Variants in STXBP6 observed in about 807,000 individuals in gnomAD.
STXBP6 encodes the protein syntaxin binding protein 6, also known as syntaxin-binding protein 6.
A neutral mutation model predicts 26.9 loss-of-function variants in STXBP6; 21 were observed. The observed-to-expected ratio is 0.78, with a 90% CI of 0.55 to 1.12. STXBP6 has a LOEUF of 1.12. Ranked by LOEUF, STXBP6 falls within the 50% of genes most tolerant of loss-of-function variation. STXBP6 has a pLI of 0.00. For synonymous variants in STXBP6, 97 were observed against 92.6 expected (o/e 1.05, Z -0.27); for missense variants, 232 against 257.9 (o/e 0.90, Z 0.69).
chr14:24,950,014 T>C (rs1232978970), intron 2 of STXBP6, among the ~76,000 whole-genome samples: 1 of 152,226 alleles, frequency 6.6e-6, no homozygotes, highest in Non-Finnish European at 1.5e-5. Flanking sequence ...CCCATTCTGG[T>C]TCTGGAGGCT....
intron 2 of STXBP6, among the ~76,000 whole-genome samples, chr14:24,962,908 T>C (rs956988430): frequency 2.0e-5 from 3 of 148,550 alleles, no homozygotes; most frequent in Middle Eastern, 3.4e-3. Context: ...AATCCAGCAA[T>C]AGATGAATGA....
intron 5 of STXBP6, among the ~76,000 whole-genome samples, chr14:24,813,840 C>T (rs1376423379): frequency 2.0e-5 from 3 of 152,198 alleles, no homozygotes; most frequent in Non-Finnish European, 4.4e-5. Context: ...TTCTTGACAT[C>T]TTCAACAAAT....
intron 2 of STXBP6, among the ~76,000 whole-genome samples, chr14:24,885,345 G>A (rs2070539029): frequency 6.6e-6 from 1 of 152,166 alleles, no homozygotes; most frequent in African/African-American, 2.4e-5. Flanking sequence ...CAAAATAAGT[G>A]TTCTAAGAAG....
intron 1 of STXBP6, among the ~76,000 whole-genome samples, chr14:25,021,676 T>A (rs1566567973): frequency 6.6e-6 from 1 of 152,180 alleles, no homozygotes; most frequent in East Asian, 1.9e-4. Flanking sequence ...CCATGACCGA[T>A]GCTTTCCTTT....
chr14:24,904,737 C>A (rs990826897), intron 2 of STXBP6, among the ~76,000 whole-genome samples: 3 of 152,140 alleles, frequency 2.0e-5, no homozygotes, highest in Non-Finnish European at 1.5e-5. Flanking sequence ...GAAGAAAGTC[C>A]TCTAGAAATC....
chr14:24,990,477 G>A (rs1264568812), intron 1 of STXBP6, among the ~76,000 whole-genome samples: 2 of 152,010 alleles, frequency 1.3e-5, no homozygotes, highest in African/African-American at 4.8e-5. Flanking sequence ...TGACTAACAT[G>A]GCAAAACCCC....
chr14:24,986,239 G>C (rs891987968), intron 1 of STXBP6, among the ~76,000 whole-genome samples: 1 of 152,048 alleles, frequency 6.6e-6, no homozygotes, highest in African/African-American at 2.4e-5. Flanking sequence ...TTTTCCCCTT[G>C]AATTTTCACA....
intron 2 of STXBP6, among the ~76,000 whole-genome samples, chr14:24,946,351 C>T (rs565982921): frequency 3.9e-5 from 6 of 152,106 alleles, no homozygotes; most frequent in Admixed American, 6.5e-5. Context: ...AGGGCCCAGG[C>T]GAGAGTCCTA....
rs558581416 is a variant in STXBP6 at position 25,037,384 on chromosome 14, G to C, written c.-33+12494C>G. ...GGTAGGGAAAGGAAAAGGCAAGACA[G>C]TAAGGTTTGACTTTTAAATCATGTT... On this transcript the variant is annotated intron_variant, in intron 1 of 5. Coordinates refer to ENST00000323944, the MANE Select transcript of STXBP6 (RefSeq NM_001394410.1). Among the ~76,000 whole-genome samples the C allele has an allele frequency of 7.2e-5, 11 of 152,208 alleles. No homozygotes were observed. The South Asian group carries it at 2.3e-3, about 32-fold the overall frequency.
intron 2 of STXBP6, among the ~76,000 whole-genome samples, chr14:24,866,254 T>C (rs1156337263): frequency 1.3e-5 from 2 of 152,178 alleles, no homozygotes; most frequent in Admixed American, 6.6e-5. Context: ...TGGCTCCTTC[T>C]TGGGCCTCCA....
At chr14:24,872,675 G>C (rs1020519209) in intron 2 of STXBP6, among the ~76,000 whole-genome samples, 1 of 152,118 alleles carries the variant, frequency 6.6e-6, no homozygotes, top group Non-Finnish European at 1.5e-5. Flanking sequence ...GAGATGCCAC[G>C]GTCCACCCAG....
At chr14:24,966,435 G>A (rs1027038642) in intron 2 of STXBP6, among the ~76,000 whole-genome samples, 13 of 151,750 alleles carry the variant, frequency 8.6e-5, no homozygotes, top group African/African-American at 3.1e-4. Context: ...GGAGTCAGAT[G>A]GACCCAGGCA....
chr14:24,841,752 T>G (rs1268518379), intron 4 of STXBP6, among the ~76,000 whole-genome samples: 1 of 152,230 alleles, frequency 6.6e-6, no homozygotes, highest in East Asian at 1.9e-4. Context: ...TATTTTTTTC[T>G]ATCACTTTGT....
At chr14:24,838,963 T>TA (rs1296549034) in intron 4 of STXBP6, among the ~76,000 whole-genome samples, 4 of 151,756 alleles carry the variant, frequency 2.6e-5, no homozygotes, top group Non-Finnish European at 4.4e-5. Context: ...GAAACAATAA[T>TA]AAAAAAAACC....
Position 24,913,048 on chromosome 14 carries a change from C to T in STXBP6, c.155-55891G>A, listed in dbSNP as rs913866204. 4.6e-5 allele frequency among the ~76,000 whole-genome samples: 7 copies of T among 152,136 alleles called. 2 individuals carry two copies. The highest frequency in any genetic ancestry group is 3.9e-4 in the Admixed American group (6 of 15,266). ...CCAATCTTAATGCTGCAAACACCTA[C>T]CCTGCCAGGAGACGGGTATAATTAC... On this transcript the variant is annotated intron_variant, in intron 2 of 5. Coordinates refer to ENST00000323944, the MANE Select transcript of STXBP6 (RefSeq NM_001394410.1).
rs1195710507 is a variant in STXBP6 at position 24,811,089 on chromosome 14, G to A, written c.*1620C>T. The A allele has an allele frequency of 1.3e-5, 2 of 152,064 alleles. No homozygotes were observed. The highest frequency in any genetic ancestry group is 4.8e-5 in the African/African-American group (2 of 41,400). The allele number at this position is 152,064 out of a possible 1,614,324, so 9.4% of individuals were successfully genotyped here. Reference sequence around the variant, plus strand: ...TATACAGTTTATTAAATTTTATAGAGGGTTTTCTTGAATTGGATCATCTAA... The same window carrying A: ...TATACAGTTTATTAAATTTTATAGAAGGTTTTCTTGAATTGGATCATCTAA... On this transcript the variant is annotated 3_prime_UTR_variant, in exon 6 of 6. Coordinates refer to ENST00000323944, the MANE Select transcript of STXBP6 (RefSeq NM_001394410.1).
chr14:24,840,824 C>T (rs2068761758), intron 4 of STXBP6, among the ~76,000 whole-genome samples: 1 of 149,438 alleles, frequency 6.7e-6, no homozygotes, highest in Non-Finnish European at 1.5e-5. Context: ...AACTAGAAGT[C>T]TAACAAATGT....
chr14:24,967,523 A>G (rs1335120257), intron 2 of STXBP6, among the ~76,000 whole-genome samples: 4 of 152,266 alleles, frequency 2.6e-5, no homozygotes, highest in Non-Finnish European at 5.9e-5. Context: ...ATATCCTAGA[A>G]GAGCCAAATG....
At chr14:24,948,162 C>A (rs1386968585) in intron 2 of STXBP6, among the ~76,000 whole-genome samples, 1 of 152,090 alleles carries the variant, frequency 6.6e-6, no homozygotes, top group Non-Finnish European at 1.5e-5. Flanking sequence ...AAGGGACTTG[C>A]ACTTTGAAAT....
Sources: allele counts gnomAD v4.1 joint callset (sites outside exome capture counted in the v4.1 genomes callset), GRCh38; gene constraint gnomAD v4.1.1; transcripts MANE v1.5; gene names NCBI Gene and HGNC (gene_info 2026-07-23, HGNC 2026-07-21).